PIP4P2: variants seen among roughly 807,000 people sequenced by gnomAD.
The protein encoded by PIP4P2 is type 2 phosphatidylinositol 4,5-bisphosphate 4-phosphatase.
PIP4P2 carries 19 observed loss-of-function variants against 33.3 expected under a neutral mutation model. The observed-to-expected ratio is 0.57, with a 90% CI of 0.40 to 0.84. The LOEUF (loss-of-function observed/expected upper bound fraction) is 0.84. PIP4P2 is among the 40% of genes least tolerant of loss of function. The probability of loss-of-function intolerance (pLI) is 0.00; values close to 1 mark genes in which losing one functional copy is unlikely to be tolerated. For missense variants in PIP4P2, 270 were observed against 324.7 expected, an observed-to-expected ratio of 0.83 and a Z score of 1.29; for synonymous variants, 110 against 111.9, an observed-to-expected ratio of 0.98 and a Z score of 0.11.
chr8:91,006,181 A>G (rs1054341058), intron 5 of PIP4P2, among the ~76,000 whole-genome samples: 3 of 152,208 alleles, frequency 2.0e-5, no homozygotes, highest in African/African-American at 4.8e-5. Flanking sequence ...GCTCTGAAGG[A>G]AAACATTCAA....
At chr8:91,024,166 T>C (rs1318660908) in intron 1 of PIP4P2, 2 of 226,768 alleles carry the variant, frequency 8.8e-6, no homozygotes, top group Non-Finnish European at 1.8e-5. Context: ...GCAGCCTAAT[T>C]GCCACAATAA....
At chr8:91,013,502 G>T (rs1303458795) in intron 4 of PIP4P2, among the ~76,000 whole-genome samples, 1 of 151,964 alleles carries the variant, frequency 6.6e-6, no homozygotes, top group Admixed American at 6.6e-5. Context: ...GGTAACTATA[G>T]AGTACGTTAG....
At chr8:91,013,701 A>AT (rs1169787133) in intron 4 of PIP4P2, among the ~76,000 whole-genome samples, 1 of 152,012 alleles carries the variant, frequency 6.6e-6, no homozygotes, top group African/African-American at 2.4e-5. Flanking sequence ...CCCCTGGCTA[A>AT]TTTTTAAATG....
intron 4 of PIP4P2, among the ~76,000 whole-genome samples, chr8:91,017,600 A>T (rs772785529): frequency 1.1e-4 from 16 of 151,858 alleles, no homozygotes; most frequent in Non-Finnish European, 2.1e-4. Flanking sequence ...AATTACAAAT[A>T]AAAAAAAGCA....
chr8:91,034,518 T>A (rs1481476946), intron 1 of PIP4P2, among the ~76,000 whole-genome samples: 1 of 152,152 alleles, frequency 6.6e-6, no homozygotes, highest in Non-Finnish European at 1.5e-5. Context: ...TTGAAAAAAA[T>A]TCCCTTAAAT....
At position 91,021,308 on chromosome 8, in the gene PIP4P2, T is replaced by C. The variant is rs1476826736; in HGVS notation, c.203A>G (p.Asp68Gly). Reference sequence around the variant, plus strand: ...AACCACATGCTGGTGAAGCTTGCCATCCAAATTGATTAGTGATTGGCACAC... The same window carrying C: ...AACCACATGCTGGTGAAGCTTGCCACCCAAATTGATTAGTGATTGGCACAC... ...CRVCQSLINL[D>G]GKLHQHVVKC... The change falls in exon 2 of 7, where the codon GAT (aspartate) becomes GGT (glycine). Residue 68 changes from aspartate to glycine, a missense_variant. By Grantham distance (94) the Asp-to-Gly change is moderately conservative (BLOSUM62 -1). Coordinates refer to ENST00000285419, the MANE Select transcript of PIP4P2 (RefSeq NM_018710.3). 1 of 1,613,862 alleles carries C rather than the reference T, an allele frequency of 6.2e-7. No individual in the cohort carries two copies. Among genetic ancestry groups the C allele is most frequent in the Non-Finnish European group, 8.5e-7 (1 of 1,179,824 alleles).
At chr8:91,021,725 A>C (rs1341559134) in intron 1 of PIP4P2, among the ~76,000 whole-genome samples, 1 of 152,156 alleles carries the variant, frequency 6.6e-6, no homozygotes, top group Non-Finnish European at 1.5e-5. Context: ...CTAACAGGAG[A>C]GTGGTAATTT....
intron 4 of PIP4P2, among the ~76,000 whole-genome samples, chr8:91,009,640 G>A (rs1260464268): frequency 6.6e-6 from 1 of 151,642 alleles, no homozygotes; most frequent in East Asian, 1.9e-4. Flanking sequence ...TGGAAATCTA[G>A]GCCAACAATT....
At chr8:90,995,954 T>A in intron 6 of PIP4P2, 134 bp from the exon 7 acceptor site, 1 of 969,986 alleles carries the variant, frequency 1.0e-6, no homozygotes, top group Non-Finnish European at 1.5e-6. Context: ...CTTATAAGAG[T>A]AGGTGTATCT....
intron 4 of PIP4P2, among the ~76,000 whole-genome samples, chr8:91,015,789 C>G (rs1430091271): frequency 6.6e-6 from 1 of 152,088 alleles, no homozygotes; most frequent in Non-Finnish European, 1.5e-5. Context: ...CTGTATTTGT[C>G]TTGATTGGCT....
At chr8:91,003,496 C>A (rs1040187972) in intron 5 of PIP4P2, among the ~76,000 whole-genome samples, 3 of 151,934 alleles carry the variant, frequency 2.0e-5, no homozygotes, top group African/African-American at 7.2e-5. Context: ...ATAATATATT[C>A]TTTTTCTAGA....
intron 1 of PIP4P2, among the ~76,000 whole-genome samples, chr8:91,040,427 CCACCACCACCACCAT>C (rs1287162398): frequency 1.5e-5 from 2 of 136,422 alleles, no homozygotes; most frequent in Non-Finnish European, 3.2e-5. Context: ...ATCACCACCA[CCACCACCACCACCAT>C]CACCACCACC....
intron 1 of PIP4P2, among the ~76,000 whole-genome samples, chr8:91,031,350 A>G (rs1274775059): frequency 6.6e-6 from 1 of 152,214 alleles, no homozygotes; most frequent in Non-Finnish European, 1.5e-5. Context: ...TCTCACTTTA[A>G]GTCTACTCAC....
chr8:91,028,983 G>C (rs188464831), intron 1 of PIP4P2, among the ~76,000 whole-genome samples: 1 of 151,996 alleles, frequency 6.6e-6, no homozygotes, highest in Non-Finnish European at 1.5e-5. Context: ...TGGATTAATC[G>C]AATTTTATTT....
chr8:91,000,607 G>C (rs976426198), intron 5 of PIP4P2, among the ~76,000 whole-genome samples: 18 of 151,782 alleles, frequency 1.2e-4, no homozygotes, highest in Non-Finnish European at 1.6e-4. Context: ...TATTTTTGCT[G>C]TTGAGACATT....
intron 1 of PIP4P2, among the ~76,000 whole-genome samples, chr8:91,030,313 T>C (rs979089650): frequency 2.0e-5 from 3 of 151,878 alleles, no homozygotes; most frequent in African/African-American, 7.3e-5. Flanking sequence ...AGTGTATAGA[T>C]AGTAATAGAT....
intron 5 of PIP4P2, among the ~76,000 whole-genome samples, chr8:90,999,161 G>C (rs1458180357): frequency 1.3e-5 from 2 of 151,836 alleles, no homozygotes; most frequent in East Asian, 3.9e-4. Flanking sequence ...TCTATGAAAA[G>C]AAGCTCAACA....
At chr8:91,010,230 AG>A (rs1231649124) in intron 4 of PIP4P2, among the ~76,000 whole-genome samples, 1 of 152,060 alleles carries the variant, frequency 6.6e-6, no homozygotes, top group South Asian at 2.1e-4. Flanking sequence ...TTTCTGTTAC[AG>A]GCTTAGGATA....
intron 6 of PIP4P2, 147 bp from the exon 7 acceptor site, chr8:90,995,967 T>G: frequency 1.2e-6 from 1 of 804,020 alleles, no homozygotes; most frequent in South Asian, 2.1e-5. Context: ...GTGTATCTGT[T>G]GACTGCAACT....
Sources: gnomAD v4.1 joint callset for allele counts (sites outside exome capture counted in the v4.1 genomes callset) on GRCh38, gnomAD v4.1.1 for gene constraint, MANE v1.5 for transcripts, NCBI Gene and HGNC (gene_info 2026-07-23, HGNC 2026-07-21) for gene names.